Variants in ZBTB40 observed in about 807,000 individuals in gnomAD.
ZBTB40 encodes zinc finger and BTB domain containing 40.
A neutral mutation model predicts 117.5 loss-of-function variants in ZBTB40; 60 were observed. The ratio of observed to expected loss-of-function variants is 0.51; its 90% confidence interval spans 0.41 to 0.63. The LOEUF (loss-of-function observed/expected upper bound fraction) is 0.63, where lower values mean the gene tolerates loss of function less well. ZBTB40 is among the 30% of genes least tolerant of loss of function. The pLI is 0.00. For synonymous variants in ZBTB40, 525 were observed against 577.1 expected (o/e 0.91, Z 1.29); for missense variants, 1,287 against 1,498.5 (o/e 0.86, Z 2.33).
rs750713315 is a variant in ZBTB40 at position 22,502,290 on chromosome 1, CT to C, written c.1025-8del. 16 of 1,612,544 alleles carry C rather than the reference CT, an allele frequency of 9.9e-6. No individual in the cohort carries two copies. In the East Asian group the frequency reaches 3.3e-4, roughly 34 times the overall value. ...TTCTCTTGTGTGTCTCTAACTCTTT[CT>C]CCCCCAGGGAGCACAGAGGAGGGAA... On this transcript the variant is annotated splice_polypyrimidine_tract_variant and splice_region_variant and intron_variant, in intron 4 of 17. Coordinates refer to ENST00000375647, the MANE Select transcript of ZBTB40 (RefSeq NM_014870.4).
In ZBTB40 at chr1:22,458,416, C is replaced by T. The variant is rs72871694; in HGVS notation, c.-70+6412C>T. ...AGCACCAGTTGAAATCTCTCAGTGGCCACAGGACTTCATCCTTTCTGGGGC... is the reference window on the plus strand; with the variant it reads ...AGCACCAGTTGAAATCTCTCAGTGGTCACAGGACTTCATCCTTTCTGGGGC... On this transcript the variant is annotated intron_variant, in intron 1 of 17. Transcript: ENST00000375647. 4.5e-3 allele frequency among the ~76,000 whole-genome samples: 691 copies of T among 152,318 alleles called. 11 individuals are homozygous for T. The highest frequency in any genetic ancestry group is 0.016 in the African/African-American group (652 of 41,572).
rs995310456 is a variant in ZBTB40, at chr1:22,496,612, T to G, written c.832-4880T>G. Among the ~76,000 whole-genome samples the G allele has an allele frequency of 2.0e-5, 3 of 152,324 alleles. No individual in the cohort carries two copies. In the East Asian group the frequency reaches 5.8e-4, roughly 29 times the overall value. On this transcript the variant is annotated intron_variant, in intron 3 of 17. Coordinates refer to ENST00000375647, the MANE Select transcript of ZBTB40 (RefSeq NM_014870.4). ...TTATGCAAAAAGTTAACTTGTTGGC[T>G]CCTGTGACTTCATAGTGTAGAAGGA...
At chr1:22,512,421 CAG>C (rs1639265478) in intron 11 of ZBTB40, among the ~76,000 whole-genome samples, 1 of 152,190 alleles carries the variant, frequency 6.6e-6, no homozygotes, top group Admixed American at 6.5e-5. Flanking sequence ...CTGCCTGTAA[CAG>C]AGTGAGCACA....
chr1:22,486,907 G>A (rs1638487638), intron 1 of ZBTB40, among the ~76,000 whole-genome samples: 1 of 152,024 alleles, frequency 6.6e-6, no homozygotes, highest in South Asian at 2.1e-4. Context: ...ACTAATTTGT[G>A]TAATTTTAGT....
intron 1 of ZBTB40, among the ~76,000 whole-genome samples, chr1:22,479,287 T>C (rs191616567): frequency 1.1e-3 from 170 of 152,328 alleles, no homozygotes; most frequent in African/African-American, 3.9e-3. Flanking sequence ...TGATGTTTGA[T>C]AATTCTTTTG....
At chr1:22,468,590 C>T (rs550710294) in intron 1 of ZBTB40, among the ~76,000 whole-genome samples, 1 of 142,636 alleles carries the variant, frequency 7.0e-6, no homozygotes. Flanking sequence ...ATCCTCCTCC[C>T]TCAGCCTTCC....
At chr1:22,492,859 T>G (rs1301427951) in intron 3 of ZBTB40, among the ~76,000 whole-genome samples, 3 of 152,228 alleles carry the variant, frequency 2.0e-5, no homozygotes, top group Non-Finnish European at 2.9e-5. Flanking sequence ...ATTTTTGCAC[T>G]TGCGTGTTCT....
chr1:22,438,599 T>TG (rs1640698330), intron 1 of ZBTB40, among the ~76,000 whole-genome samples: 1 of 152,212 alleles, frequency 6.6e-6, no homozygotes, highest in South Asian at 2.1e-4. Context: ...CCCACCATCC[T>TG]GTTTTCCACA....
chr1:22,461,173 T>C (rs1057012259), intron 1 of ZBTB40, among the ~76,000 whole-genome samples: 3 of 152,212 alleles, frequency 2.0e-5, no homozygotes, highest in African/African-American at 7.2e-5. Flanking sequence ...TCTGAAGGCC[T>C]GAAGTCATTC....
Position 22,511,884 on chromosome 1 carries a change from C to T in ZBTB40, c.2211C>T (p.Ile737=), listed in dbSNP as rs1480691291. 1.2e-6 allele frequency: 2 copies of T among 1,614,190 alleles called. No homozygotes were observed. Among genetic ancestry groups the T allele is most frequent in the South Asian group, 1.1e-5 (1 of 91,088 alleles). ...ASPDPAKKSF[I]CKACDKSFHF... ...CAGACCCTGCCAAGAAGAGCTTCAT[C>T]TGTAAGGCCTGCGACAAAAGCTTCC... Residue 737 remains isoleucine, a synonymous_variant, in exon 11 of 18, where the codon ATC becomes ATT. Coordinates refer to ENST00000375647, the MANE Select transcript of ZBTB40 (RefSeq NM_014870.4).
intron 1 of ZBTB40, among the ~76,000 whole-genome samples, chr1:22,442,825 G>A (rs1640748453): frequency 6.6e-6 from 1 of 152,216 alleles, no homozygotes; most frequent in Admixed American, 6.5e-5. Flanking sequence ...ATTGTTGAGA[G>A]TGGGGTAGCA....
At chr1:22,519,977 A>G in intron 13 of ZBTB40, 84 bp from the exon 14 acceptor site, 1 of 1,212,166 alleles carries the variant, frequency 8.2e-7, no homozygotes, top group Non-Finnish European at 1.2e-6. Context: ...GCTGTACACA[A>G]CAACCAGTGT....
intron 1 of ZBTB40, among the ~76,000 whole-genome samples, chr1:22,457,515 G>T (rs1202718506): frequency 6.6e-6 from 1 of 152,158 alleles, no homozygotes; most frequent in Non-Finnish European, 1.5e-5. Context: ...CTGACCCCTG[G>T]AGGCGTTTGC....
intron 1 of ZBTB40, among the ~76,000 whole-genome samples, chr1:22,433,697 T>G (rs1438603184): frequency 1.3e-5 from 2 of 149,982 alleles, no homozygotes; most frequent in Non-Finnish European, 3.0e-5. Flanking sequence ...GGACTGATTT[T>G]ATGTATTGAA....
chr1:22,470,467 A>C (rs1280735272), intron 1 of ZBTB40, among the ~76,000 whole-genome samples: 2 of 152,146 alleles, frequency 1.3e-5, no homozygotes, highest in Non-Finnish European at 2.9e-5. Context: ...GCCCAGAAGG[A>C]AGCTAGAAGG....
At chr1:22,497,032 A>G (rs1272866033) in intron 3 of ZBTB40, among the ~76,000 whole-genome samples, 1 of 152,202 alleles carries the variant, frequency 6.6e-6, no homozygotes, top group Non-Finnish European at 1.5e-5. Context: ...AATGCTGAAG[A>G]ACTTGGAGCC....
At position 22,521,593 on chromosome 1, in the gene ZBTB40, G is replaced by A. The variant is rs1390378797; in HGVS notation, c.3146G>A (p.Ser1049Asn). The A allele has an allele frequency of 6.2e-7, 1 of 1,614,044 alleles. No homozygotes were observed. Among genetic ancestry groups the A allele is most frequent in the African/African-American group, 1.3e-5 (1 of 74,920 alleles). Residue 1049 changes from serine (S) to asparagine (N), a missense_variant, in exon 15 of 18, where the codon AGC (serine) becomes AAC (asparagine). Transcript: ENST00000375647. ...TCCAAGTTCTCATCACTCCAGTGCA[G>A]CTCCTGTGACAAAACCTTCCCCAAC... The part of the protein sequence containing the change: ...RSSKFSSLQC[S>N]SCDKTFPNTI...
At chr1:22,495,741 A>G (rs987575819) in intron 3 of ZBTB40, among the ~76,000 whole-genome samples, 1 of 151,962 alleles carries the variant, frequency 6.6e-6, no homozygotes, top group African/African-American at 2.4e-5. Flanking sequence ...CGAACTCCTG[A>G]CCTCAGGTGA....
At chr1:22,453,237 C>T (rs2124378336) in intron 1 of ZBTB40, among the ~76,000 whole-genome samples, 1 of 152,320 alleles carries the variant, frequency 6.6e-6, no homozygotes, top group African/African-American at 2.4e-5. Context: ...ACTTCTGCCC[C>T]TCCTTTCTAA....
Sources: gnomAD v4.1 joint callset for allele counts (sites outside exome capture counted in the v4.1 genomes callset) on GRCh38, gnomAD v4.1.1 for gene constraint, MANE v1.5 for transcripts, NCBI Gene and HGNC (gene_info 2026-07-23, HGNC 2026-07-21) for gene names.